GARIN1A: variants seen among roughly 807,000 people sequenced by gnomAD.
The protein encoded by GARIN1A is Golgi-associated RAB2 interactor protein 1A.
At chr7:128,684,513 G>A in the GARIN1A span, 1 of 151,368 alleles carries the variant, frequency 6.6e-6, no homozygotes, top group African/African-American at 2.4e-5. Flanking sequence ...CTACTCAGGA[G>A]GTTGAGGCAG....
chr7:128,700,284 G>GT, the GARIN1A span, among the ~76,000 whole-genome samples: 19,589 of 134,542 alleles, frequency 0.15, 1,537 homozygotes, highest in African/African-American at 0.21. Context: ...TTTGTATTTT[G>GT]TTTTTTTTTT....
the GARIN1A span, among the ~76,000 whole-genome samples, chr7:128,708,521 T>G: frequency 3.8e-5 from 3 of 79,538 alleles, no homozygotes; most frequent in Non-Finnish European, 3.0e-5. Context: ...TTTCTGAAGG[T>G]TTTTCTTGAA....
At chr7:128,698,082 T>C in the GARIN1A span, among the ~76,000 whole-genome samples, 1 of 152,212 alleles carries the variant, frequency 6.6e-6, no homozygotes, top group Non-Finnish European at 1.5e-5. Flanking sequence ...AGGATATCAA[T>C]TTTTAAAATT....
the GARIN1A span, chr7:128,693,493 A>G: frequency 5.1e-6 from 1 of 194,922 alleles, no homozygotes. Context: ...CTGCTGGAGC[A>G]GGTGGACTTC....
At chr7:128,696,723 A>T in the GARIN1A span, among the ~76,000 whole-genome samples, 1 of 152,168 alleles carries the variant, frequency 6.6e-6, no homozygotes, top group Non-Finnish European at 1.5e-5. Context: ...TCCACCACAG[A>T]AGGTGTTTGG....
At chr7:128,673,113 C>T in the GARIN1A span, among the ~76,000 whole-genome samples, 11 of 152,296 alleles carry the variant, frequency 7.2e-5, no homozygotes, top group African/African-American at 1.9e-4. Flanking sequence ...CTGCCTGCCT[C>T]CCTCTAGCGG....
the GARIN1A span, among the ~76,000 whole-genome samples, chr7:128,692,099 C>G: frequency 6.6e-6 from 1 of 152,208 alleles, no homozygotes; most frequent in African/African-American, 2.4e-5. Context: ...GTATGAAGAG[C>G]TCCCCAATAG....
At chr7:128,707,905 CTTCCTTCCTTCCTTCCT>C in the GARIN1A span, among the ~76,000 whole-genome samples, 1 of 148,816 alleles carries the variant, frequency 6.7e-6, no homozygotes. Context: ...CTTGCTTTTT[CTTCCTTCCTTCCTTCCT>C]TTCCTTCCTT....
At chr7:128,676,213 T>C in the GARIN1A span, among the ~76,000 whole-genome samples, 1 of 151,924 alleles carries the variant, frequency 6.6e-6, no homozygotes, top group Non-Finnish European at 1.5e-5. Flanking sequence ...GGTTTCACTG[T>C]GTTAGCCAGG....
the GARIN1A span, among the ~76,000 whole-genome samples, chr7:128,689,590 C>T: frequency 1.0e-4 from 15 of 147,394 alleles, no homozygotes; most frequent in African/African-American, 3.5e-4. Context: ...GGAGCCCCTC[C>T]GCCCGGCAGC....
the GARIN1A span, chr7:128,672,614 T>A: frequency 4.3e-6 from 5 of 1,153,896 alleles, no homozygotes; most frequent in Admixed American, 5.8e-5. Context: ...TAGGGGTTGG[T>A]TAGGAGATGC....
the GARIN1A span, among the ~76,000 whole-genome samples, chr7:128,677,303 C>G: frequency 6.6e-6 from 1 of 150,884 alleles, no homozygotes; most frequent in Admixed American, 6.6e-5. Flanking sequence ...GTCAGGAGAT[C>G]GAGACCATCC....
the GARIN1A span, among the ~76,000 whole-genome samples, chr7:128,696,739 C>A: frequency 6.6e-6 from 1 of 152,148 alleles, no homozygotes; most frequent in East Asian, 1.9e-4. Flanking sequence ...TTTGGAAGTT[C>A]TTAAATGATG....
the GARIN1A span, chr7:128,683,495 A>G: frequency 1.9e-5 from 2 of 107,232 alleles, no homozygotes; most frequent in Non-Finnish European, 4.1e-5. Context: ...TTTTGGAGAT[A>G]GAGTCTTGCT....
the GARIN1A span, chr7:128,680,232 T>G: frequency 1.5e-6 from 1 of 669,026 alleles, no homozygotes. Context: ...AGTTCCTTCT[T>G]TGTATTCTTT....
chr7:128,701,491 T>A, the GARIN1A span, among the ~76,000 whole-genome samples: 4 of 149,438 alleles, frequency 2.7e-5, no homozygotes, highest in Admixed American at 6.7e-5. Flanking sequence ...TTATTCCTAA[T>A]GTAGCTTGTC....
the GARIN1A span, chr7:128,683,219 C>T: frequency 7.6e-7 from 1 of 1,322,400 alleles, no homozygotes; most frequent in Non-Finnish European, 1.0e-6. Context: ...TCTTATAATG[C>T]TCCTTTTCCA....
chr7:128,675,983 A>G, the GARIN1A span: 1 of 643,554 alleles, frequency 1.6e-6, no homozygotes, highest in Non-Finnish European at 2.7e-6. Flanking sequence ...TGTAGAACTC[A>G]TTCATTCATT....
chr7:128,689,648 T>C, the GARIN1A span, among the ~76,000 whole-genome samples: 1 of 149,268 alleles, frequency 6.7e-6, no homozygotes, highest in Admixed American at 6.6e-5. Context: ...AGCCACCCCG[T>C]CTGGGAAGTG....
Sources: gnomAD v4.1 joint callset for allele counts (sites outside exome capture counted in the v4.1 genomes callset) on GRCh38, gnomAD v4.1.1 for gene constraint, MANE v1.5 for transcripts, NCBI Gene and HGNC (gene_info 2026-07-23, HGNC 2026-07-21) for gene names.